NBEA: variants seen among roughly 807,000 people sequenced by gnomAD.
NBEA encodes neurobeachin.
In NBEA, 44 loss-of-function variants were observed where a neutral mutation model predicts 343.4. The ratio of observed to expected loss-of-function variants is 0.13; its 90% CI spans 0.10 to 0.16. The LOEUF is 0.16. NBEA is among the 10% of genes least tolerant of loss of function. NBEA has a pLI of 1.00. For synonymous variants in NBEA, 1,175 were observed against 1,238.7 expected, an observed-to-expected ratio of 0.95 and a Z score of 1.08; for missense variants, 2,555 against 3,631.3, an observed-to-expected ratio of 0.70 and a Z score of 7.62.
intron 36 of NBEA, among the ~76,000 whole-genome samples, chr13:35,311,697 T>A: frequency 6.6e-6 from 1 of 152,036 alleles, no homozygotes; most frequent in African/African-American, 2.4e-5. Flanking sequence ...CTACTAAAAA[T>A]ACAAAAATTA....
At chr13:35,059,754 A>G (rs146660215) in intron 8 of NBEA, among the ~76,000 whole-genome samples, 6,903 of 149,450 alleles carry the variant, frequency 0.046, 239 homozygotes, top group Non-Finnish European at 0.068. Context: ...ATATATATAT[A>G]TATATACAGA....
rs114925108 is a variant in NBEA at position 35,035,666 on chromosome 13, T to G, written c.295-5267T>G. 9.3e-3 allele frequency among the ~76,000 whole-genome samples: 1,422 copies of G among 152,106 alleles called. 20 individuals carry two copies. The highest frequency in any genetic ancestry group is 0.033 in the African/African-American group (1,363 of 41,558). On this transcript the variant is annotated intron_variant, in intron 1 of 58. Transcript: ENST00000379939. ...CTATATTTGTCTTTAGCTGTAATAA[T>G]ATTTCCTTTATATGTCTGGGTGCTC...
intron 41 of NBEA, among the ~76,000 whole-genome samples, chr13:35,489,319 A>C (rs1021313683): frequency 6.6e-6 from 1 of 151,882 alleles, no homozygotes; most frequent in Admixed American, 6.6e-5. Flanking sequence ...ATCTAAATGC[A>C]CAAGCGGTCG....
Position 35,211,038 on chromosome 13 carries a change from T to C in NBEA, c.5522-15T>C. On this transcript the variant is annotated splice_polypyrimidine_tract_variant and intron_variant, in intron 32 of 58. Transcript: ENST00000379939. ...AATTTATGTTTAAGGCTAAAAATTA[T>C]TATTTTGGGAACAGGTGCCGTGGAT... The C allele has an allele frequency of 6.5e-7, 1 of 1,545,062 alleles. No homozygotes were observed. Among genetic ancestry groups the C allele is most frequent in the Non-Finnish European group, 8.7e-7 (1 of 1,144,918 alleles).
intron 41 of NBEA, among the ~76,000 whole-genome samples, chr13:35,546,237 T>C (rs2079051875): frequency 6.6e-6 from 1 of 152,120 alleles, no homozygotes; most frequent in African/African-American, 2.4e-5. Flanking sequence ...AGGCTGTGTG[T>C]TGGGATCACT....
chr13:35,133,740 G>A (rs372529438), intron 17 of NBEA, among the ~76,000 whole-genome samples: 11 of 151,854 alleles, frequency 7.2e-5, no homozygotes, highest in East Asian at 5.8e-4. Flanking sequence ...AATACGTGAA[G>A]ACAAAATTGT....
chr13:35,474,226 C>T (rs2075769215), intron 41 of NBEA: 1 of 152,404 alleles, frequency 6.6e-6, no homozygotes, highest in African/African-American at 2.4e-5. Flanking sequence ...CATTTATTAC[C>T]ATCTAATTAA....
At chr13:35,324,052 A>G (rs1254158666) in intron 36 of NBEA, among the ~76,000 whole-genome samples, 1 of 152,196 alleles carries the variant, frequency 6.6e-6, no homozygotes, top group East Asian at 1.9e-4. Flanking sequence ...CAACTTGGCA[A>G]TAGAGGAGCC....
At chr13:34,975,578 T>G (rs1435362223) in intron 1 of NBEA, among the ~76,000 whole-genome samples, 1 of 151,856 alleles carries the variant, frequency 6.6e-6, no homozygotes, top group Non-Finnish European at 1.5e-5. Context: ...CCAAGACAAA[T>G]AGATGGGACT....
chr13:35,187,539 G>C (rs926299304), intron 30 of NBEA, among the ~76,000 whole-genome samples: 3 of 150,374 alleles, frequency 2.0e-5, no homozygotes, highest in Non-Finnish European at 4.4e-5. Flanking sequence ...TTCTCAAAAG[G>C]CTCCCTGTAA....
chr13:35,103,665 C>T (rs2065768150), intron 11 of NBEA, among the ~76,000 whole-genome samples: 1 of 151,748 alleles, frequency 6.6e-6, no homozygotes, highest in African/African-American at 2.4e-5. Flanking sequence ...ATTATCCAAA[C>T]TGATTTTTCT....
At chr13:35,058,078 G>A (rs1216624101) in intron 7 of NBEA, among the ~76,000 whole-genome samples, 1 of 152,076 alleles carries the variant, frequency 6.6e-6, no homozygotes, top group Admixed American at 6.6e-5. Context: ...AGAAGTAGAG[G>A]CTGGAAAGAT....
intron 47 of NBEA, among the ~76,000 whole-genome samples, chr13:35,596,662 C>T (rs1213585640): frequency 2.0e-5 from 3 of 152,090 alleles, no homozygotes; most frequent in Admixed American, 6.6e-5. Flanking sequence ...CTAGCCTAGT[C>T]TTGGTAACAA....
intron 38 of NBEA, among the ~76,000 whole-genome samples, chr13:35,363,682 C>T (rs1447694125): frequency 2.6e-5 from 4 of 151,800 alleles, no homozygotes; most frequent in African/African-American, 9.7e-5. Flanking sequence ...ATTTGGATTC[C>T]CTGGCTTCCC....
intron 41 of NBEA, among the ~76,000 whole-genome samples, chr13:35,531,379 A>G (rs2078255410): frequency 6.6e-6 from 1 of 152,228 alleles, no homozygotes; most frequent in South Asian, 2.1e-4. Flanking sequence ...ACATGCCCAA[A>G]TAGAACATAT....
intron 17 of NBEA, among the ~76,000 whole-genome samples, chr13:35,141,827 T>C (rs1008515282): frequency 1.3e-5 from 2 of 152,232 alleles, no homozygotes; most frequent in Non-Finnish European, 2.9e-5. Flanking sequence ...AGAGTATTTA[T>C]TTTTAACCAT....
At chr13:35,397,209 C>T (rs904645618) in intron 38 of NBEA, among the ~76,000 whole-genome samples, 1 of 152,184 alleles carries the variant, frequency 6.6e-6, no homozygotes, top group African/African-American at 2.4e-5. Flanking sequence ...TTAAGCCATA[C>T]TAACATTCTT....
intron 34 of NBEA, among the ~76,000 whole-genome samples, chr13:35,237,881 T>A (rs1209487606): frequency 1.3e-5 from 2 of 152,206 alleles, no homozygotes; most frequent in Non-Finnish European, 2.9e-5. Flanking sequence ...CGGTGTCCTT[T>A]CATTTTCTTA....
At chr13:35,497,263 C>CA (rs2076717639) in intron 41 of NBEA, among the ~76,000 whole-genome samples, 1 of 152,102 alleles carries the variant, frequency 6.6e-6, no homozygotes, top group Non-Finnish European at 1.5e-5. Flanking sequence ...TATACACATA[C>CA]AAAAAAGTGG....
Sources: allele counts gnomAD v4.1 joint callset (sites outside exome capture counted in the v4.1 genomes callset), GRCh38; gene constraint gnomAD v4.1.1; transcripts MANE v1.5; gene names NCBI Gene and HGNC (gene_info 2026-07-23, HGNC 2026-07-21).